The following SLC10A7 variants were observed in gnomAD, a reference collection of about 807,000 sequenced individuals.
The protein encoded by SLC10A7 is solute carrier family 10 member 7, also known as sodium/bile acid cotransporter 7.
SLC10A7 carries 29 observed loss-of-function variants against 43.2 expected under a neutral mutation model. The ratio of observed to expected loss-of-function variants is 0.67; its 90% confidence interval spans 0.50 to 0.92. SLC10A7 has a LOEUF of 0.92. Ranked by LOEUF, SLC10A7 falls within the 40% of genes least tolerant of loss-of-function variation. The pLI is 0.00. For synonymous variants in SLC10A7, 152 were observed against 144.8 expected (o/e 1.05, Z -0.35); for missense variants, 295 against 403.2 (o/e 0.73, Z 2.30).
chr4:146,437,617 C>A (rs565857619), intron 5 of SLC10A7, among the ~76,000 whole-genome samples: 2 of 152,152 alleles, frequency 1.3e-5, no homozygotes, highest in East Asian at 1.9e-4. Context: ...CACACACACA[C>A]AAATTCAGCA....
chr4:146,284,415 T>A (rs1283681404), intron 9 of SLC10A7, among the ~76,000 whole-genome samples: 15 of 152,144 alleles, frequency 9.9e-5, no homozygotes, highest in Admixed American at 9.8e-4. Context: ...TTTTTCTTGT[T>A]GTATACCCAC....
At chr4:146,378,820 T>C (rs950641843) in intron 5 of SLC10A7, among the ~76,000 whole-genome samples, 6 of 152,230 alleles carry the variant, frequency 3.9e-5, no homozygotes, top group Non-Finnish European at 8.8e-5. Context: ...CCTAACTTCC[T>C]GTACTTCACA....
intron 5 of SLC10A7, among the ~76,000 whole-genome samples, chr4:146,350,346 C>T (rs1056390721): frequency 2.0e-5 from 3 of 151,036 alleles, no homozygotes; most frequent in African/African-American, 4.9e-5. Context: ...CGGCGCACCA[C>T]GAGACTATAT....
At chr4:146,483,448 C>CAT (rs1734655372) in intron 4 of SLC10A7, among the ~76,000 whole-genome samples, 4 of 50,686 alleles carry the variant, frequency 7.9e-5, no homozygotes, top group Admixed American at 4.1e-4. Flanking sequence ...ACCACACACA[C>CAT]ACAAAAAAAA....
At chr4:146,278,057 TA>T (rs948991547) in intron 10 of SLC10A7, among the ~76,000 whole-genome samples, 1 of 152,140 alleles carries the variant, frequency 6.6e-6, no homozygotes, top group African/African-American at 2.4e-5. Context: ...TTGGATCCAG[TA>T]AAGCAATTTT....
intron 9 of SLC10A7, among the ~76,000 whole-genome samples, chr4:146,286,898 TGG>T: frequency 6.7e-6 from 1 of 149,502 alleles, no homozygotes; most frequent in African/African-American, 2.5e-5. Flanking sequence ...GCGTTTGGAG[TGG>T]TGAGAAGGAC....
intron 3 of SLC10A7, among the ~76,000 whole-genome samples, chr4:146,508,252 C>T (rs1737110060): frequency 6.6e-6 from 1 of 152,114 alleles, no homozygotes; most frequent in Admixed American, 6.5e-5. Flanking sequence ...TTAGTGATTA[C>T]TAGGAGGCAT....
chr4:146,326,917 GACAC>G (rs71640636), intron 5 of SLC10A7, among the ~76,000 whole-genome samples: 21,214 of 147,096 alleles, frequency 0.14, 1,710 homozygotes, highest in Non-Finnish European at 0.17. Flanking sequence ...GAGAGGGACA[GACAC>G]ACACACACAC....
intron 9 of SLC10A7, among the ~76,000 whole-genome samples, chr4:146,287,128 G>GTGTCTGGAGTGGTGAGAAGGACCA (rs1400449852): frequency 1.5e-4 from 22 of 150,510 alleles, no homozygotes; most frequent in Non-Finnish European, 2.7e-4. Flanking sequence ...GAGAAGGACC[G>GTGTCTGGAGTGGTGAGAAGGACCA]TGTCTGGAGT....
intron 10 of SLC10A7, among the ~76,000 whole-genome samples, chr4:146,265,015 G>A (rs1237129846): frequency 1.3e-5 from 2 of 152,120 alleles, no homozygotes; most frequent in African/African-American, 4.8e-5. Flanking sequence ...CCCTGCTCAA[G>A]AGCTCCAATG....
At chr4:146,341,597 A>G (rs932980639) in intron 5 of SLC10A7, among the ~76,000 whole-genome samples, 8 of 151,792 alleles carry the variant, frequency 5.3e-5, no homozygotes, top group Non-Finnish European at 8.9e-5. Flanking sequence ...ACAATATAAT[A>G]TGTCCTCATT....
chr4:146,419,228 G>A (rs1362984595), intron 5 of SLC10A7, among the ~76,000 whole-genome samples: 1 of 152,090 alleles, frequency 6.6e-6, no homozygotes, highest in Non-Finnish European at 1.5e-5. Context: ...TGGGAAATGG[G>A]ATTGAAAGTC....
At chr4:146,479,929 C>T (rs1288063396) in intron 4 of SLC10A7, among the ~76,000 whole-genome samples, 2 of 151,996 alleles carry the variant, frequency 1.3e-5, no homozygotes, top group Non-Finnish European at 2.9e-5. Context: ...AAACATTCAA[C>T]ATTCAAAAAA....
intron 9 of SLC10A7, among the ~76,000 whole-genome samples, chr4:146,287,433 AAAGTG>A (rs1367247267): frequency 6.6e-6 from 1 of 152,172 alleles, no homozygotes; most frequent in Admixed American, 6.5e-5. Flanking sequence ...GCTGGAAGCA[AAAGTG>A]AACAAGGGGA....
rs558906931 is a variant in SLC10A7 at position 146,515,245 on chromosome 4, A to T, written c.183+1793T>A. The stretch of plus-strand genomic sequence containing the variant: ...AGCAGCCACCAGGGGACATAGAGCA[A>T]CGCCCCAAGTAAAGGACTTGGGTTA... On this transcript the variant is annotated intron_variant, in intron 2 of 11. Coordinates refer to ENST00000335472, the MANE Select transcript of SLC10A7 (RefSeq NM_001029998.6). 25 of 689,620 alleles carry T rather than the reference A, an allele frequency of 3.6e-5. No individual in the cohort carries two copies. In the East Asian group the frequency reaches 5.1e-4, roughly 14 times the overall value. 42.7% of individuals were successfully genotyped at this position (689,620 alleles called of 1,614,324 possible).
chr4:146,391,162 A>G (rs1738398951), intron 5 of SLC10A7, among the ~76,000 whole-genome samples: 2 of 152,220 alleles, frequency 1.3e-5, no homozygotes, highest in Non-Finnish European at 2.9e-5. Flanking sequence ...TAGACCATAT[A>G]AACTCTTGCC....
intron 1 of SLC10A7, among the ~76,000 whole-genome samples, chr4:146,518,644 A>G (rs976018483): frequency 2.9e-4 from 44 of 152,110 alleles, no homozygotes; most frequent in African/African-American, 1.0e-3. Flanking sequence ...AGTTAAGATG[A>G]GGTCTTATTG....
Position 146,463,836 on chromosome 4 carries a change from T to G in SLC10A7, c.397-21015A>C, listed in dbSNP as rs1039798762. Among the ~76,000 whole-genome samples, 43 of 151,592 alleles carry G rather than the reference T, an allele frequency of 2.8e-4. No individual in the cohort carries two copies. In the Middle Eastern group the frequency reaches 0.01, roughly 36 times the overall value. Reference sequence around the variant, plus strand: ...ATTTCCTTTTTTTTTTCTTTTTTTTTTTTTTGAGACAAAGTCTCACCCTTT... The same window carrying G: ...ATTTCCTTTTTTTTTTCTTTTTTTTGTTTTTGAGACAAAGTCTCACCCTTT... On this transcript the variant is annotated intron_variant, in intron 4 of 11. Coordinates refer to ENST00000335472, the MANE Select transcript of SLC10A7 (RefSeq NM_001029998.6).
chr4:146,492,216 T>C (rs1735523753), intron 4 of SLC10A7, among the ~76,000 whole-genome samples: 1 of 149,366 alleles, frequency 6.7e-6, no homozygotes, highest in Non-Finnish European at 1.5e-5. Context: ...CGAGTCTCTG[T>C]CTCAAAAAAA....
Sources: allele counts gnomAD v4.1 joint callset (sites outside exome capture counted in the v4.1 genomes callset), GRCh38; gene constraint gnomAD v4.1.1; transcripts MANE v1.5; gene names NCBI Gene and HGNC (gene_info 2026-07-23, HGNC 2026-07-21).